Variants in LRRC7 observed in about 807,000 individuals in gnomAD.
LRRC7 encodes leucine rich repeat containing 7.
Under a neutral mutation model 175.7 loss-of-function variants are expected in LRRC7, and 23 were observed. That is an observed-to-expected ratio of 0.13 (90% confidence interval 0.09 to 0.19). The LOEUF (loss-of-function observed/expected upper bound fraction) is 0.19. LRRC7 is among the 10% of genes least tolerant of loss of function. The probability of loss-of-function intolerance (pLI) is 1.00; values close to 1 mark genes in which losing one functional copy is unlikely to be tolerated. For synonymous variants in LRRC7, 685 were observed against 680.9 expected (o/e 1.01, Z -0.09); for missense variants, 1,354 against 1,904.7 (o/e 0.71, Z 5.38).
intron 7 of LRRC7, among the ~76,000 whole-genome samples, chr1:69,915,982 G>A (rs1280412426): frequency 6.9e-6 from 1 of 144,306 alleles, no homozygotes; most frequent in Non-Finnish European, 1.5e-5. Flanking sequence ...CCAGGATTCA[G>A]ACCCAGGTAG....
chr1:69,948,571 G>T (rs901576801), intron 8 of LRRC7, among the ~76,000 whole-genome samples: 1 of 152,088 alleles, frequency 6.6e-6, no homozygotes, highest in South Asian at 2.1e-4. Flanking sequence ...CATATCATTT[G>T]GGTCCTTCAA....
At chr1:70,040,785 G>C (rs1659821264) in intron 21 of LRRC7, among the ~76,000 whole-genome samples, 1 of 152,028 alleles carries the variant, frequency 6.6e-6, no homozygotes, top group Non-Finnish European at 1.5e-5. Flanking sequence ...CTGCCCTCCA[G>C]CCTGGGTGAC....
chr1:69,952,798 A>AT (rs1650073378), intron 8 of LRRC7, among the ~76,000 whole-genome samples: 1 of 151,876 alleles, frequency 6.6e-6, no homozygotes. Context: ...AAATAGAGAA[A>AT]ACCCTAGTGG....
intron 1 of LRRC7, among the ~76,000 whole-genome samples, chr1:69,576,505 T>C (rs1397817468): frequency 6.6e-6 from 1 of 152,196 alleles, no homozygotes. Flanking sequence ...ATTAAAGCTC[T>C]TAAAATATGT....
intron 7 of LRRC7, among the ~76,000 whole-genome samples, chr1:69,859,700 G>A (rs976307326): frequency 5.3e-5 from 8 of 151,850 alleles, no homozygotes; most frequent in Non-Finnish European, 1.0e-4. Context: ...TAACCTTTCT[G>A]TAAAGGTAAT....
chr1:69,909,369 T>C (rs967562712), intron 7 of LRRC7, among the ~76,000 whole-genome samples: 3 of 152,214 alleles, frequency 2.0e-5, no homozygotes, highest in Non-Finnish European at 4.4e-5. Context: ...CTAGCCTTGA[T>C]GGTCTTTACA....
chr1:69,749,644 TA>T (rs1669615848), intron 2 of LRRC7, among the ~76,000 whole-genome samples: 1 of 152,188 alleles, frequency 6.6e-6, no homozygotes, highest in African/African-American at 2.4e-5. Flanking sequence ...CATTCAACAT[TA>T]TTTTTTAAAA....
rs551487892 is a variant in LRRC7 at position 69,796,465 on chromosome 1, A to G, written c.421+4305A>G. ...TCCTCCCTACTGCTGTACCCCATCAACCAGACAGAGTCCTCTTCACCTTTA... is the reference window on the plus strand; with the variant it reads ...TCCTCCCTACTGCTGTACCCCATCAGCCAGACAGAGTCCTCTTCACCTTTA... On this transcript the variant is annotated intron_variant, in intron 4 of 26. Transcript: ENST00000651989. Among the ~76,000 whole-genome samples, 4 of 151,970 alleles carry G rather than the reference A, an allele frequency of 2.6e-5. No individual in the cohort carries two copies. In the South Asian group the frequency reaches 8.3e-4, roughly 32 times the overall value.
chr1:70,089,705 AT>A, intron 24 of LRRC7, 21 bp from the exon 25 acceptor site: 1 of 1,489,192 alleles, frequency 6.7e-7, no homozygotes, highest in Non-Finnish European at 9.3e-7. Flanking sequence ...TTTACTTACC[AT>A]TTTATATCTT....
chr1:69,854,498 G>A (rs747012092), intron 7 of LRRC7, among the ~76,000 whole-genome samples: 2 of 152,054 alleles, frequency 1.3e-5, no homozygotes, highest in Admixed American at 6.6e-5. Flanking sequence ...GCAAGACCCT[G>A]TCTCTAAATT....
intron 7 of LRRC7, among the ~76,000 whole-genome samples, chr1:69,910,233 G>C (rs1444054099): frequency 6.6e-6 from 1 of 152,198 alleles, no homozygotes; most frequent in Admixed American, 6.5e-5. Context: ...TGGTGAGGAA[G>C]TGCGTTCCTT....
intron 18 of LRRC7, among the ~76,000 whole-genome samples, 161 bp downstream of exon 18, chr1:70,028,532 C>T (rs576757543): frequency 6.6e-6 from 1 of 152,202 alleles, no homozygotes; most frequent in Non-Finnish European, 1.5e-5. Flanking sequence ...TTTAATCAGT[C>T]ATAGAAAAAT....
intron 11 of LRRC7, among the ~76,000 whole-genome samples, chr1:70,005,562 T>C (rs12030680): frequency 6.6e-6 from 1 of 152,174 alleles, no homozygotes; most frequent in African/African-American, 2.4e-5. Context: ...CTGAAGTCAA[T>C]ACAGCTGATT....
chr1:69,662,635 A>T (rs938523799), intron 1 of LRRC7, among the ~76,000 whole-genome samples: 37 of 152,324 alleles, frequency 2.4e-4, no homozygotes, highest in African/African-American at 8.9e-4. Context: ...TTCTTTTCAC[A>T]CTAATCTTGC....
At chr1:70,082,781 A>ATCTTTTTTTTTTTT (rs1553201466) in intron 24 of LRRC7, among the ~76,000 whole-genome samples, 3,695 of 52,306 alleles carry the variant, frequency 0.071, 1,470 homozygotes, top group Middle Eastern at 0.12. Context: ...ATACCAGTAC[A>ATCTTTTTTTTTTTT]TTTTTTTTTT....
chr1:69,674,658 A>G lies in LRRC7; in HGVS notation c.3-3723A>G, dbSNP rs760768007. Among the ~76,000 whole-genome samples, 31 of 152,180 alleles carry G rather than the reference A, an allele frequency of 2.0e-4. 1 individual carries two copies. Among genetic ancestry groups the G allele is most frequent in the Non-Finnish European group, 4.0e-4 (27 of 68,016 alleles). On this transcript the variant is annotated intron_variant, in intron 1 of 26. Coordinates refer to ENST00000651989, the MANE Select transcript of LRRC7 (RefSeq NM_001370785.2). ...CTGTTAGTGTCCTCGGAAAATTGTCATTAGTAATCCCTTAAATCTTATTGA... is the reference window on the plus strand; with the variant it reads ...CTGTTAGTGTCCTCGGAAAATTGTCGTTAGTAATCCCTTAAATCTTATTGA...
intron 1 of LRRC7, among the ~76,000 whole-genome samples, chr1:69,638,716 G>T (rs1234598945): frequency 6.6e-6 from 1 of 151,620 alleles, no homozygotes; most frequent in Non-Finnish European, 1.5e-5. Flanking sequence ...TGGAACCATA[G>T]AGATCTGTTC....
In LRRC7 at chr1:69,860,333, T is replaced by A. The variant is rs916240380; in HGVS notation, c.647+22050T>A. Among the ~76,000 whole-genome samples, 5 of 151,962 alleles carry A rather than the reference T, an allele frequency of 3.3e-5. No homozygotes were observed. In the East Asian group the frequency reaches 9.6e-4, roughly 29 times the overall value. On this transcript the variant is annotated intron_variant, in intron 7 of 26. Transcript: ENST00000651989. ...ATTAATACTTTAAACTCACAAAGTA[T>A]AATTATAATATAGGTACCATGATCA...
At chr1:69,992,974 C>A (rs537583208) in intron 10 of LRRC7, among the ~76,000 whole-genome samples, 1 of 152,152 alleles carries the variant, frequency 6.6e-6, no homozygotes, top group East Asian at 1.9e-4. Context: ...GACCATCAAC[C>A]CACATACAGC....
Sources: allele counts gnomAD v4.1 joint callset (sites outside exome capture counted in the v4.1 genomes callset), GRCh38; gene constraint gnomAD v4.1.1; transcripts MANE v1.5; gene names NCBI Gene and HGNC (gene_info 2026-07-23, HGNC 2026-07-21).